RABGAP1: variants seen among roughly 807,000 people sequenced by gnomAD.
RABGAP1 encodes rab GTPase-activating protein 1.
RABGAP1 carries 23 observed loss-of-function variants against 137.6 expected under a neutral mutation model. The ratio of observed to expected loss-of-function variants is 0.17; its 90% CI spans 0.12 to 0.24. The LOEUF (loss-of-function observed/expected upper bound fraction) is 0.24, where lower values mean the gene tolerates loss of function less well. Ranked by LOEUF, RABGAP1 falls within the 10% of genes least tolerant of loss-of-function variation. The pLI is 1.00. For synonymous variants in RABGAP1, 451 were observed against 450.7 expected (o/e 1.00, Z -0.01); for missense variants, 906 against 1,275.8 (o/e 0.71, Z 4.42).
chr9:123,092,292 C>A (rs1010464511), intron 21 of RABGAP1, among the ~76,000 whole-genome samples: 1 of 152,128 alleles, frequency 6.6e-6, no homozygotes, highest in Non-Finnish European at 1.5e-5. Context: ...GTGAGAGAAC[C>A]AGGTTTCATT....
intron 21 of RABGAP1, among the ~76,000 whole-genome samples, chr9:123,092,938 G>C (rs1041868167): frequency 6.6e-6 from 1 of 152,094 alleles, no homozygotes; most frequent in African/African-American, 2.4e-5. Context: ...GGCCCATCCT[G>C]CAGTCATCTA....
At position 122,948,611 on chromosome 9, in the gene RABGAP1, T is replaced by G. The variant is rs139756499; in HGVS notation, c.-50+7518T>G. On this transcript the variant is annotated intron_variant, in intron 1 of 25. Coordinates refer to ENST00000373647, the MANE Select transcript of RABGAP1 (RefSeq NM_012197.4). ...TAGCAAGATGATTTAGTCATCTTGC[T>G]TAAGATTCCCTAAAGCTGTACCCAT... Among the ~76,000 whole-genome samples the G allele has an allele frequency of 2.0e-5, 3 of 152,342 alleles. No homozygotes were observed. In the East Asian group the frequency reaches 5.8e-4, roughly 29 times the overall value.
intron 1 of RABGAP1, among the ~76,000 whole-genome samples, chr9:122,945,147 C>CTTTTTTTTGTTTTTTTTTT (rs1833874522): frequency 1.3e-5 from 1 of 75,772 alleles, no homozygotes; most frequent in South Asian, 7.2e-4. Flanking sequence ...ATAGCTGTTG[C>CTTTTTTTTGTTTTTTTTTT]TTTTTTTTTT....
rs146659098 is a variant in RABGAP1 at position 123,035,352 on chromosome 9, C to T, written c.1794+14893C>T. On this transcript the variant is annotated intron_variant, in intron 13 of 25. Transcript: ENST00000373647. ...TGTTTCGAATCACTAGTGTATTTTA[C>T]ATCCTCTGGTTGCCATATATCATCT... 896 of 1,614,150 alleles carry T rather than the reference C, an allele frequency of 5.6e-4. 1 individual carries two copies. In the African/African-American group the frequency reaches 0.01, roughly 19 times the overall value.
At chr9:122,963,809 G>A (rs996560207) in intron 2 of RABGAP1, among the ~76,000 whole-genome samples, 2 of 152,130 alleles carry the variant, frequency 1.3e-5, no homozygotes, top group Non-Finnish European at 2.9e-5. Flanking sequence ...AGAAAAATCA[G>A]TGGAACCAAA....
At chr9:122,969,657 A>G (rs1404527375) in intron 2 of RABGAP1, among the ~76,000 whole-genome samples, 3 of 152,196 alleles carry the variant, frequency 2.0e-5, no homozygotes, top group Non-Finnish European at 2.9e-5. Context: ...TAAAAAAAAA[A>G]AGATTTGTAG....
chr9:122,977,925 A>T (rs1268913912), intron 2 of RABGAP1, among the ~76,000 whole-genome samples: 1 of 152,106 alleles, frequency 6.6e-6, no homozygotes, highest in Admixed American at 6.5e-5. Context: ...CTGGATGAGC[A>T]CCTTTAGTAG....
At chr9:122,938,123 A>G (rs1833418302), upstream of RABGAP1, 1 of 152,212 alleles carries the variant, frequency 6.6e-6, no homozygotes. Flanking sequence ...ATTTCTTTGT[A>G]AAATACCCGC....
chr9:123,018,108 C>T (rs139984967), intron 12 of RABGAP1, among the ~76,000 whole-genome samples: 277 of 152,274 alleles, frequency 1.8e-3, no homozygotes, highest in Non-Finnish European at 2.9e-3. Flanking sequence ...CATTCTCCTG[C>T]CTCAGCCTCC....
At chr9:123,088,929 A>G (rs531890423) in intron 19 of RABGAP1, among the ~76,000 whole-genome samples, 41 of 152,338 alleles carry the variant, frequency 2.7e-4, no homozygotes, top group African/African-American at 7.2e-4. Context: ...GACAGAGGAA[A>G]AAGACACCAC....
At chr9:122,949,114 G>C (rs181541591) in intron 1 of RABGAP1, among the ~76,000 whole-genome samples, 25 of 152,162 alleles carry the variant, frequency 1.6e-4, no homozygotes, top group Admixed American at 5.2e-4. Flanking sequence ...GGTGGCTCAC[G>C]CTTGTAATCC....
rs2032875691 is a variant in RABGAP1 at position 123,040,035 on chromosome 9, A to G, written c.1794+19576A>G. ...AAGTTTAAGCAATCAAGAAGCACTT[A>G]TCTAGTAAGTTCTGCTGTGTGCCAG... On this transcript the variant is annotated intron_variant, in intron 13 of 25. Transcript: ENST00000373647. 1.3e-5 allele frequency among the ~76,000 whole-genome samples: 2 copies of G among 152,206 alleles called. 1 individual carries two copies. The highest frequency in any genetic ancestry group is 4.1e-4 in the South Asian group (2 of 4,834).
rs1245368694 is a variant in RABGAP1, at chr9:122,986,223, G to A, written c.394G>A (p.Ala132Thr). ...PVKPGQGDSEASSPFTPVADE... is the reference protein window; with the variant it reads ...PVKPGQGDSETSSPFTPVADE... The stretch of plus-strand genomic sequence containing the variant: ...TTCATTGTTTCTTTCAGATTCTGAA[G>A]CTTCAAGTCCTTTCACACCAGTGGC... Residue 132 changes from alanine to threonine, a missense_variant, in exon 4 of 26, where the codon GCT (alanine) becomes ACT (threonine). Physicochemically the swap from Ala to Thr is moderately conservative, Grantham distance 58. Coordinates refer to ENST00000373647, the MANE Select transcript of RABGAP1 (RefSeq NM_012197.4). 7.4e-6 allele frequency: 12 copies of A among 1,613,288 alleles called. No individual in the cohort carries two copies. Among genetic ancestry groups the A allele is most frequent in the Non-Finnish European group, 1.0e-5 (12 of 1,179,510 alleles).
intron 2 of RABGAP1, among the ~76,000 whole-genome samples, chr9:122,959,041 A>G (rs932901062): frequency 2.0e-5 from 3 of 152,230 alleles, no homozygotes; most frequent in African/African-American, 7.2e-5. Context: ...TTACTCATAA[A>G]TATATAGAGG....
chr9:123,051,223 T>G (rs1337209961), intron 13 of RABGAP1, among the ~76,000 whole-genome samples: 1 of 23,270 alleles, frequency 4.3e-5, no homozygotes, highest in Non-Finnish European at 6.8e-5. Flanking sequence ...TTGGTTTTTT[T>G]TTTTTTTTTT....
chr9:122,969,963 A>G (rs1835386986), intron 2 of RABGAP1, among the ~76,000 whole-genome samples: 1 of 152,088 alleles, frequency 6.6e-6, no homozygotes, highest in South Asian at 2.1e-4. Context: ...GTGGCATGGC[A>G]CAATCTCTGT....
chr9:122,964,212 C>A (rs980020566), intron 2 of RABGAP1, among the ~76,000 whole-genome samples: 9 of 152,198 alleles, frequency 5.9e-5, no homozygotes, highest in African/African-American at 1.7e-4. Flanking sequence ...TCCCAACTTA[C>A]TCTATGAGAA....
intron 5 of RABGAP1, chr9:122,989,743 T>C: frequency 1.9e-6 from 1 of 518,616 alleles, no homozygotes; most frequent in South Asian, 2.8e-5. Flanking sequence ...TTGACAGATT[T>C]GCAAACCATT....
In RABGAP1 at chr9:123,103,582, A is replaced by AATATACAT. The variant is rs1161328357; in HGVS notation, c.*375_*382dup. 2 of 38,090 alleles carry AATATACAT rather than the reference A, an allele frequency of 5.3e-5. No homozygotes were observed. Among genetic ancestry groups the AATATACAT allele is most frequent in the African/African-American group, 8.1e-5 (1 of 12,290 alleles). 2.4% of individuals were successfully genotyped at this position (38,090 alleles called of 1,614,324 possible). A position where few individuals can be genotyped will look rare whatever the true frequency, so the allele number is the denominator to read the frequency against. Reference sequence around the variant, plus strand: ...TTTTTTTTCTAAACCTTTTTTTTTTAATATACATATATATATATATATATA... The same window carrying AATATACAT: ...TTTTTTTTCTAAACCTTTTTTTTTTAATATACATATATACATATATATATATATATATA... On this transcript the variant is annotated 3_prime_UTR_variant, in exon 26 of 26. Coordinates refer to ENST00000373647, the MANE Select transcript of RABGAP1 (RefSeq NM_012197.4).
Sources: gnomAD v4.1 joint callset for allele counts (sites outside exome capture counted in the v4.1 genomes callset) on GRCh38, gnomAD v4.1.1 for gene constraint, MANE v1.5 for transcripts, NCBI Gene and HGNC (gene_info 2026-07-23, HGNC 2026-07-21) for gene names.